Variants in HHAT observed in about 807,000 individuals in gnomAD.
HHAT encodes the protein hedgehog acyltransferase.
A neutral mutation model predicts 70.8 loss-of-function variants in HHAT; 47 were observed. That is an observed-to-expected ratio of 0.66 (90% confidence interval 0.53 to 0.85). The LOEUF (loss-of-function observed/expected upper bound fraction) is 0.85. Ranked by LOEUF, HHAT falls within the 40% of genes least tolerant of loss-of-function variation. HHAT has a pLI of 0.00. For synonymous variants in HHAT, 228 were observed against 247.6 expected (o/e 0.92, Z 0.74); for missense variants, 609 against 604.8 (o/e 1.01, Z -0.07).
intron 8 of HHAT, among the ~76,000 whole-genome samples, chr1:210,503,779 C>A (rs2094803607): frequency 6.6e-6 from 1 of 150,506 alleles, no homozygotes; most frequent in Non-Finnish European, 1.5e-5. Flanking sequence ...TGCCGGTGAC[C>A]TTTCATTTGG....
At chr1:210,329,871 T>C (rs1319777352) in intron 1 of HHAT, among the ~76,000 whole-genome samples, 2 of 152,158 alleles carry the variant, frequency 1.3e-5, no homozygotes. Flanking sequence ...CCTTGCCTCC[T>C]GAGTAGCTGG....
At chr1:210,380,671 C>T (rs1412860913) in intron 3 of HHAT, among the ~76,000 whole-genome samples, 1 of 152,106 alleles carries the variant, frequency 6.6e-6, no homozygotes, top group African/African-American at 2.4e-5. Context: ...GGATGGACTA[C>T]TAAAGGCTTC....
intron 8 of HHAT, among the ~76,000 whole-genome samples, chr1:210,504,251 A>G (rs2094812383): frequency 6.6e-6 from 1 of 152,232 alleles, no homozygotes; most frequent in Admixed American, 6.5e-5. Context: ...CTGGATAATT[A>G]TAGCATTAAT....
intron 10 of HHAT, among the ~76,000 whole-genome samples, chr1:210,602,123 C>T (rs1221857997): frequency 6.6e-6 from 1 of 151,966 alleles, no homozygotes; most frequent in Non-Finnish European, 1.5e-5. Flanking sequence ...GGGGAGATTT[C>T]ATGGAGAGGA....
intron 7 of HHAT, among the ~76,000 whole-genome samples, chr1:210,449,021 T>C (rs1425388456): frequency 1.3e-5 from 2 of 152,208 alleles, no homozygotes; most frequent in Admixed American, 6.5e-5. Flanking sequence ...TGGCTATTTT[T>C]CTTAATTTGT....
At chr1:210,458,624 T>A (rs2093918388) in intron 7 of HHAT, among the ~76,000 whole-genome samples, 1 of 151,822 alleles carries the variant, frequency 6.6e-6, no homozygotes, top group Non-Finnish European at 1.5e-5. Context: ...GGCAGAGAAA[T>A]TGAGTGTGAG....
At position 210,400,493 on chromosome 1, in the gene HHAT, A is replaced by G. The variant is rs1192812979; in HGVS notation, c.299A>G (p.Tyr100Cys). 1.9e-6 allele frequency: 3 copies of G among 1,612,902 alleles called. No individual in the cohort carries two copies. The highest frequency in any genetic ancestry group is 1.3e-5 in the African/African-American group (1 of 74,728). The part of the protein sequence containing the change: ...RKHRPWILML[Y>C]GMWACWCVLG... ...CACAGACCCTGGATTCTCATGCTCTATGGGATGTGGGCCTGCTGGTGTGTG... is the reference window on the plus strand; with the variant it reads ...CACAGACCCTGGATTCTCATGCTCTGTGGGATGTGGGCCTGCTGGTGTGTG... Residue 100 changes from tyrosine (Y) to cysteine (C), a missense_variant, in exon 5 of 12, where the codon TAT becomes TGT. Tyr to Cys is a radical substitution (Grantham distance 194). Transcript: ENST00000261458.
chr1:210,493,716 C>CA (rs1312261700), intron 8 of HHAT, among the ~76,000 whole-genome samples: 1 of 152,024 alleles, frequency 6.6e-6, no homozygotes, highest in Non-Finnish European at 1.5e-5. Context: ...CGGAGGTTGC[C>CA]AAAATGATCT....
chr1:210,669,886 A>G (rs1392107172), intron 11 of HHAT, among the ~76,000 whole-genome samples: 3 of 152,144 alleles, frequency 2.0e-5, no homozygotes, highest in African/African-American at 4.8e-5. Flanking sequence ...GAGAGTATGT[A>G]TGTTGGGAGG....
At chr1:210,542,535 C>T (rs540940423) in intron 9 of HHAT, among the ~76,000 whole-genome samples, 4 of 151,706 alleles carry the variant, frequency 2.6e-5, no homozygotes, top group African/African-American at 9.7e-5. Context: ...CAGTGGCTTG[C>T]CCCTGTAATC....
At chr1:210,560,826 A>C (rs1040295522) in intron 9 of HHAT, among the ~76,000 whole-genome samples, 1 of 127,262 alleles carries the variant, frequency 7.9e-6, no homozygotes, top group Non-Finnish European at 1.6e-5. Context: ...AAAAAAAAAA[A>C]AAAAAAAAAA....
chr1:210,346,330 C>T (rs890415820), intron 1 of HHAT, among the ~76,000 whole-genome samples: 6 of 152,176 alleles, frequency 3.9e-5, no homozygotes, highest in Non-Finnish European at 7.3e-5. Context: ...ATACCAACAT[C>T]TTTTGACAGG....
At chr1:210,540,875 C>G (rs943362766) in intron 9 of HHAT, among the ~76,000 whole-genome samples, 1 of 151,848 alleles carries the variant, frequency 6.6e-6, no homozygotes, top group Non-Finnish European at 1.5e-5. Flanking sequence ...GTGTATCGCT[C>G]TGTTGCCCAG....
intron 10 of HHAT, among the ~76,000 whole-genome samples, chr1:210,616,332 C>A (rs1392924492): frequency 6.6e-6 from 1 of 152,184 alleles, no homozygotes; most frequent in Non-Finnish European, 1.5e-5. Flanking sequence ...CAGCCAACAT[C>A]TCTCCAACAC....
chr1:210,631,046 C>T (rs1670763643), intron 11 of HHAT: 2 of 456,554 alleles, frequency 4.4e-6, no homozygotes, highest in African/African-American at 4.0e-5. Context: ...AGACAGCATT[C>T]CAGGGCTTTC....
chr1:210,554,640 C>A (rs1182100395), intron 9 of HHAT, among the ~76,000 whole-genome samples: 2 of 152,094 alleles, frequency 1.3e-5, no homozygotes, highest in Admixed American at 6.5e-5. Flanking sequence ...CGTAAAAGTG[C>A]TAAGATCCTT....
chr1:210,671,985 A>G lies in HHAT; in HGVS notation c.1391-2303A>G, dbSNP rs182119797. Among the ~76,000 whole-genome samples the G allele has an allele frequency of 4.4e-3, 666 of 152,270 alleles. 5 individuals are homozygous for G. Among genetic ancestry groups the G allele is most frequent in the Non-Finnish European group, 5.6e-3 (378 of 68,020 alleles). ...TGTTGTCACTCTAATCTTGGTAGAG[A>G]AAGACTTCTGTGCCCTCCCACCGTT... is the stretch of plus-strand genomic sequence containing the variant. On this transcript the variant is annotated intron_variant, in intron 11 of 11. Coordinates refer to ENST00000261458, the MANE Select transcript of HHAT (RefSeq NM_018194.6).
intron 6 of HHAT, among the ~76,000 whole-genome samples, chr1:210,406,834 T>G (rs2092349779): frequency 6.6e-6 from 1 of 152,194 alleles, no homozygotes; most frequent in Non-Finnish European, 1.5e-5. Context: ...TCTGGGGAAG[T>G]GAAGGGGCAG....
intron 7 of HHAT, among the ~76,000 whole-genome samples, chr1:210,459,907 A>T (rs1053792980): frequency 6.6e-6 from 1 of 152,202 alleles, no homozygotes; most frequent in Non-Finnish European, 1.5e-5. Context: ...CTATAGTTGC[A>T]GTCAGACATC....
Sources: allele counts gnomAD v4.1 joint callset (sites outside exome capture counted in the v4.1 genomes callset), GRCh38; gene constraint gnomAD v4.1.1; transcripts MANE v1.5; gene names NCBI Gene and HGNC (gene_info 2026-07-23, HGNC 2026-07-21).